The following RGS11 variants were observed in gnomAD, a reference collection of about 807,000 sequenced individuals.
RGS11 encodes regulator of G-protein signaling 11.
In RGS11, 86 loss-of-function variants were observed where a neutral mutation model predicts 71.1. The ratio of observed to expected loss-of-function variants is 1.21; its 90% CI spans 1.02 to 1.45. The LOEUF (loss-of-function observed/expected upper bound fraction) is 1.45. RGS11 is among the 40% of genes most tolerant of loss of function. The pLI, the probability that RGS11 is intolerant of heterozygous loss-of-function variation, is 0.00. For missense variants in RGS11, 734 were observed against 635.1 expected (o/e 1.16, Z -1.67); for synonymous variants, 298 against 254.2 (o/e 1.17, Z -1.64).
rs1319546981 is a variant in RGS11, at chr16:269,221, G to A, written c.*48C>T. 4.5e-6 allele frequency: 6 copies of A among 1,344,192 alleles called. No individual in the cohort carries two copies. Among genetic ancestry groups the A allele is most frequent in the Non-Finnish European group, 4.2e-6 (4 of 960,154 alleles). 83.3% of individuals were successfully genotyped at this position (1,344,192 alleles called of 1,614,324 possible). ...AGACGGGGGTGGCTGCTGCATTCAC[G>A]CAGGACGTTGAGCTGCAGGGACTAG... is the stretch of plus-strand genomic sequence containing the variant. On this transcript the variant is annotated 3_prime_UTR_variant, in exon 17 of 17. Coordinates refer to ENST00000397770, the MANE Select transcript of RGS11 (RefSeq NM_183337.3).
rs988669209 is a variant in RGS11 at position 273,989 on chromosome 16, G to A, written c.429+54C>T. ...GAAGCCCCGGGGGGCCGTGAGTGAG[G>A]CTTGGGTTCCTCCAGCTGTACCCAG... On this transcript the variant is annotated intron_variant, in intron 6 of 16. Transcript: ENST00000397770. 3.3e-6 allele frequency: 5 copies of A among 1,519,220 alleles called. No individual in the cohort carries two copies. In the African/African-American group the frequency reaches 4.2e-5, roughly 13 times the overall value. 94.1% of individuals were successfully genotyped at this position (1,519,220 alleles called of 1,614,324 possible).
Position 275,661 on chromosome 16 carries a change from C to T in RGS11, c.64-163G>A, listed in dbSNP as rs1189779395. On this transcript the variant is annotated intron_variant, in intron 1 of 16. Coordinates refer to ENST00000397770, the MANE Select transcript of RGS11 (RefSeq NM_183337.3). ...GGGACGCGGGGCGGGCCGGGGAGGG[C>T]CGGGGAGGGCCGGGGAGACCCCGGA... 587 of 463,566 alleles carry T rather than the reference C, an allele frequency of 1.3e-3. 13 individuals carry two copies. The East Asian group carries it at 0.023, about 18-fold the overall frequency. The allele number at this position is 463,566 out of a possible 1,614,324, so 28.7% of individuals were successfully genotyped here.
At chr16:275,662 C>T (rs1477896022) in intron 1 of RGS11, 164 bp from the exon 2 acceptor site, 5 of 437,152 alleles carry the variant, frequency 1.1e-5, no homozygotes, top group African/African-American at 1.4e-4. Context: ...CGGGGAGGGC[C>T]GGGGAGGGCC....
At chr16:270,278 G>A (rs61156029) in intron 15 of RGS11, among the ~76,000 whole-genome samples, 2,022 of 151,708 alleles carry the variant, frequency 0.013, 37 homozygotes, top group African/African-American at 0.047. Flanking sequence ...TTTTTAGATC[G>A]AAGCTTGACC....
rs770256752 is a variant in RGS11 at position 269,368 on chromosome 16, C to T, written c.1305G>A (p.Thr435=). Residue 435 remains threonine (T), a synonymous_variant, in exon 17 of 17, where the codon ACG becomes ACA. Transcript: ENST00000397770. ...TGGGGCTCGAGTGCCGTGGCCTCCA[C>T]GTAAACGGGAACACGCTGTGGGCGA... ...LEMKRRVFPF[T]WRPRHSSPSP... The T allele has an allele frequency of 7.5e-6, 12 of 1,603,068 alleles. No individual in the cohort carries two copies. The highest frequency in any genetic ancestry group is 3.4e-5 in the Admixed American group (2 of 58,304).
chr16:270,269 T>G (rs2051866932), intron 15 of RGS11, among the ~76,000 whole-genome samples: 1 of 135,968 alleles, frequency 7.4e-6, no homozygotes, highest in Admixed American at 7.3e-5. Flanking sequence ...AAACAAAACT[T>G]TTTAGATCGA....
Position 274,983 on chromosome 16 carries a change from C to G in RGS11, c.311G>C (p.Arg104Thr). Reference protein sequence around the residue: ...LMLRPDETPYRFQTPYFWTST... With the variant: ...LMLRPDETPYTFQTPYFWTST... The stretch of plus-strand genomic sequence containing the variant: ...TGCACCCCCGAGCCTGACCTGGAAC[C>G]TGTAGGGCGTCTCGTCTGGCCGGAG... Residue 104 changes from arginine to threonine, a missense_variant, in exon 4 of 17, where the codon AGG (arginine) becomes ACG (threonine). Transcript: ENST00000397770. 1 of 1,541,270 alleles carries G rather than the reference C, an allele frequency of 6.5e-7. No individual in the cohort carries two copies. Among genetic ancestry groups the G allele is most frequent in the Non-Finnish European group, 8.8e-7 (1 of 1,141,670 alleles).
chr16:274,489 C>G, intron 4 of RGS11: 1 of 607,436 alleles, frequency 1.6e-6, no homozygotes, highest in East Asian at 2.8e-5. Flanking sequence ...CACTGCCTCC[C>G]TCACTGGTCA....
rs1422481611 is a variant in RGS11, at chr16:268,625, G to T, written c.*644C>A. The T allele has an allele frequency of 7.1e-6, 5 of 702,486 alleles. No homozygotes were observed. Among genetic ancestry groups the T allele is most frequent in the African/African-American group, 1.8e-5 (1 of 56,276 alleles). 43.5% of individuals were successfully genotyped at this position (702,486 alleles called of 1,614,324 possible). On this transcript the variant is annotated 3_prime_UTR_variant, in exon 17 of 17. Transcript: ENST00000397770. ...GTCAGAGTTGTCTATAAATCGGGGG[G>T]GAGGCCGCGGCCTCGAGGTGGGAAA...
chr16:271,144 C>T, intron 12 of RGS11, 45 bp from the exon 13 acceptor site: 2 of 1,603,084 alleles, frequency 1.2e-6, no homozygotes, highest in Non-Finnish European at 1.7e-6. Context: ...GACTGACCCT[C>T]CTGCGTCCCC....
At chr16:273,415 G>A in intron 8 of RGS11, 60 bp downstream of exon 8, 1 of 1,329,762 alleles carries the variant, frequency 7.5e-7, no homozygotes, top group South Asian at 1.4e-5. Flanking sequence ...CGCCTGTCAG[G>A]GAAGCACGCT....
chr16:275,561 G>C, intron 1 of RGS11, 63 bp from the exon 2 acceptor site: 1 of 1,341,054 alleles, frequency 7.5e-7, no homozygotes, highest in Non-Finnish European at 1.0e-6. Flanking sequence ...CCTGGCACCG[G>C]CCGGGATGCC....
In RGS11 at chr16:272,854, G is replaced by A; in HGVS notation, c.657+9C>T. On this transcript the variant is annotated intron_variant, in intron 9 of 16. Transcript: ENST00000397770. Reference sequence around the variant, plus strand: ...TGAGAGGGCGGCCAGCACGCACGCAGGGGCTCACCATGAGCACACGGCTGG... The same window carrying A: ...TGAGAGGGCGGCCAGCACGCACGCAAGGGCTCACCATGAGCACACGGCTGG... 2 of 1,542,598 alleles carry A rather than the reference G, an allele frequency of 1.3e-6. No homozygotes were observed. The highest frequency in any genetic ancestry group is 1.2e-5 in the South Asian group (1 of 83,844).
chr16:274,768 A>G, intron 4 of RGS11: 1 of 740,088 alleles, frequency 1.4e-6, no homozygotes, highest in Non-Finnish European at 2.4e-6. Context: ...CTGAGGCTCC[A>G]TCCCTCAGCC....
At chr16:270,462 G>A in intron 15 of RGS11, 61 bp downstream of exon 15, 1 of 1,517,258 alleles carries the variant, frequency 6.6e-7, no homozygotes, top group Non-Finnish European at 8.9e-7. Flanking sequence ...CTTGAGGGTG[G>A]GGACATGGAG....
chr16:275,304 T>A lies in RGS11; in HGVS notation c.190A>T (p.Lys64Ter). 2 of 1,612,326 alleles carry A rather than the reference T, an allele frequency of 1.2e-6. No homozygotes were observed. Among genetic ancestry groups the A allele is most frequent in the Non-Finnish European group, 1.7e-6 (2 of 1,179,806 alleles). Residue 64 changes from lysine (K) to a stop codon, truncating the protein, a stop_gained, in exon 3 of 17, where the codon AAG becomes TAG. Coordinates refer to ENST00000397770, the MANE Select transcript of RGS11 (RefSeq NM_183337.3). LOFTEE classifies it high-confidence loss of function. Reference sequence around the variant, plus strand: ...TCACCCTCCTCCGAGACGCAGAACTTCTGGGCCAACCACTGCACGACGTCG... The same window carrying A: ...TCACCCTCCTCCGAGACGCAGAACTACTGGGCCAACCACTGCACGACGTCG... ...GSDVVQWLAQKFCVSEEEALH... is the reference protein window; with the variant it reads ...GSDVVQWLAQ
intron 4 of RGS11, chr16:274,600 C>T (rs1366859823): frequency 8.4e-6 from 5 of 592,586 alleles, no homozygotes; most frequent in Non-Finnish European, 1.6e-5. Context: ...GACGGCAGGT[C>T]GGCCCGGGAC....
rs764918673 is a variant in RGS11, at chr16:270,968, G to A, written c.979+16C>T. On this transcript the variant is annotated intron_variant, in intron 13 of 16. Coordinates refer to ENST00000397770, the MANE Select transcript of RGS11 (RefSeq NM_183337.3). ...CCTCCCCGCTGGGACTGGAGCAGGG[G>A]CTGGGGGGTTCTCACCACTGAACTC... 1 of 1,597,226 alleles carries A rather than the reference G, an allele frequency of 6.3e-7. No individual in the cohort carries two copies. Among genetic ancestry groups the A allele is most frequent in the South Asian group, 1.1e-5 (1 of 90,640 alleles).
chr16:269,604 A>G lies in RGS11; in HGVS notation c.1207-19T>C. On this transcript the variant is annotated intron_variant, in intron 15 of 16. Coordinates refer to ENST00000397770, the MANE Select transcript of RGS11 (RefSeq NM_183337.3). ...AGGAGTCCTACAAGAGACAGCGTCC[A>G]GCCCCTGACCCTTCTGCCTCCTCAC... The G allele has an allele frequency of 6.3e-7, 1 of 1,595,826 alleles. No individual in the cohort carries two copies. The highest frequency in any genetic ancestry group is 8.6e-7 in the Non-Finnish European group (1 of 1,164,316).
Sources: gnomAD v4.1 joint callset for allele counts (sites outside exome capture counted in the v4.1 genomes callset) on GRCh38, gnomAD v4.1.1 for gene constraint, MANE v1.5 for transcripts, NCBI Gene and HGNC (gene_info 2026-07-23, HGNC 2026-07-21) for gene names.